Variants in PLEKHH1 observed in about 807,000 individuals in gnomAD.
PLEKHH1 encodes pleckstrin homology domain-containing family H member 1.
In PLEKHH1, 104 loss-of-function variants were observed where a neutral mutation model predicts 160.0. That is an observed-to-expected ratio of 0.65 (90% CI 0.55 to 0.76). The LOEUF (loss-of-function observed/expected upper bound fraction) is 0.76. Ranked by LOEUF, PLEKHH1 falls within the 30% of genes least tolerant of loss-of-function variation. The pLI is 0.00. For synonymous variants in PLEKHH1, 619 were observed against 678.4 expected (o/e 0.91, Z 1.36); for missense variants, 1,427 against 1,724.1 (o/e 0.83, Z 3.05).
In PLEKHH1 at chr14:67,560,136, C is replaced by T. The variant is rs564482315; in HGVS notation, c.423+445C>T. ...CCGCCTCCCGGGTTCAACCGATTCT[C>T]GTGCCTCAGCCTCCCTGAGTAGCTG... On this transcript the variant is annotated intron_variant, in intron 5 of 28. Transcript: ENST00000329153. 1.8e-4 allele frequency among the ~76,000 whole-genome samples: 28 copies of T among 152,316 alleles called. No homozygotes were observed. In the South Asian group the frequency reaches 5.8e-3, roughly 32 times the overall value.
Position 67,581,764 on chromosome 14 carries a change from C to G in PLEKHH1, c.3285-305C>G, listed in dbSNP as rs565323396. The G allele has an allele frequency of 1.4e-4, 45 of 328,392 alleles. No individual in the cohort carries two copies. The South Asian group carries it at 1.5e-3, about 11-fold the overall frequency. 20.3% of individuals were successfully genotyped at this position (328,392 alleles called of 1,614,324 possible). On this transcript the variant is annotated intron_variant, in intron 23 of 28. Coordinates refer to ENST00000329153, the MANE Select transcript of PLEKHH1 (RefSeq NM_020715.3). ...AAATAGTTTCCAGTAGTCTCTTGGA[C>G]TCTTACCTCATCCAGTCCCCTAATC...
At chr14:67,558,700 C>CAG (rs1329988727) in intron 4 of PLEKHH1, among the ~76,000 whole-genome samples, 4 of 152,194 alleles carry the variant, frequency 2.6e-5, no homozygotes, top group Admixed American at 1.3e-4. Context: ...CATGAATGGA[C>CAG]AGAGGCAAGT....
chr14:67,578,093 C>A lies in PLEKHH1; in HGVS notation c.2645C>A (p.Thr882Asn). Residue 882 changes from threonine (T) to asparagine (N), a missense_variant, in exon 19 of 29, where the codon ACC becomes AAC. Transcript: ENST00000329153. This position sits in a 1 kb window ranked among gnomAD's most constrained non-coding sequence, Gnocchi z 5.0. The stretch of plus-strand genomic sequence containing the variant: ...GACTACCATGTGTCCCTGGCCCAGA[C>A]CGCACTGCAGGTCTGCCTGGTTCAC... ...SVDYHVSLAQ[T>N]ALQVCLVHPE... The A allele has an allele frequency of 6.2e-7, 1 of 1,613,744 alleles. No individual in the cohort carries two copies. Among genetic ancestry groups the A allele is most frequent in the Non-Finnish European group, 8.5e-7 (1 of 1,179,758 alleles).
Position 67,573,416 on chromosome 14 carries a change from C to A in PLEKHH1, c.1839+30C>A. 2 of 1,293,262 alleles carry A rather than the reference C, an allele frequency of 1.5e-6. No homozygotes were observed. Among genetic ancestry groups the A allele is most frequent in the South Asian group, 1.2e-5 (1 of 84,272 alleles). The allele number at this position is 1,293,262 out of a possible 1,614,324, so 80.1% of individuals were successfully genotyped here. On this transcript the variant is annotated intron_variant, in intron 12 of 28. Transcript: ENST00000329153. The surrounding 1 kb of genome is among the most constrained non-coding windows in gnomAD (Gnocchi z 4.8). The stretch of plus-strand genomic sequence containing the variant: ...GAGTCTCCCCGCCCAGCACTGCAGT[C>A]AAAAGGTCTCCACATCACACCCTGG...
intron 1 of PLEKHH1, among the ~76,000 whole-genome samples, chr14:67,541,418 A>G (rs1222693307): frequency 6.6e-6 from 1 of 152,222 alleles, no homozygotes; most frequent in African/African-American, 2.4e-5. Context: ...AGTTCCTTGA[A>G]AAACACAAAG....
intron 4 of PLEKHH1, among the ~76,000 whole-genome samples, chr14:67,558,979 G>A (rs1250182390): frequency 6.6e-6 from 1 of 152,200 alleles, no homozygotes; most frequent in Non-Finnish European, 1.5e-5. Flanking sequence ...GACTGGATGT[G>A]GCCTGAAGGC....
At chr14:67,549,459 CG>C (rs1171276628) in intron 2 of PLEKHH1, among the ~76,000 whole-genome samples, 2 of 151,994 alleles carry the variant, frequency 1.3e-5, no homozygotes, top group Non-Finnish European at 2.9e-5. Flanking sequence ...TTAGTAGCGA[CG>C]GGGTTTCACC....
rs765209847 is a variant in PLEKHH1, at chr14:67,575,415, G to A, written c.2112G>A (p.Val704=). ...LTKVKHGHSK[V]VWCALVGKIF... Reference sequence around the variant, plus strand: ...AGGTAAAGCATGGCCACTCCAAGGTGGTCTGGTGCGCTCTTGTTGGGAAAA... The same window carrying A: ...AGGTAAAGCATGGCCACTCCAAGGTAGTCTGGTGCGCTCTTGTTGGGAAAA... The change falls in exon 15 of 29, where the codon GTG becomes GTA. Residue 704 remains valine, a synonymous_variant. Coordinates refer to ENST00000329153, the MANE Select transcript of PLEKHH1 (RefSeq NM_020715.3). 14 of 1,609,290 alleles carry A rather than the reference G, an allele frequency of 8.7e-6. No homozygotes were observed. The East Asian group carries it at 3.1e-4, about 36-fold the overall frequency.
intron 5 of PLEKHH1, among the ~76,000 whole-genome samples, chr14:67,561,286 A>C (rs1395964086): frequency 6.6e-6 from 1 of 152,168 alleles, no homozygotes; most frequent in African/African-American, 2.4e-5. Flanking sequence ...AGTGGCTCAC[A>C]CCTGTAGTCC....
chr14:67,585,284 T>C, intron 26 of PLEKHH1: 1 of 337,012 alleles, frequency 3.0e-6, no homozygotes, highest in Non-Finnish European at 5.5e-6. Flanking sequence ...TTCCATCCAG[T>C]GTGCTGTGGC....
intron 21 of PLEKHH1, 144 bp from the exon 22 acceptor site, chr14:67,579,577 C>T (rs2140516405): frequency 1.3e-6 from 1 of 790,820 alleles, no homozygotes; most frequent in Non-Finnish European, 2.0e-6. Flanking sequence ...TGGCCCTTTG[C>T]CTGTGAACAC....
chr14:67,569,715 C>A, intron 8 of PLEKHH1: 2 of 593,820 alleles, frequency 3.4e-6, no homozygotes, highest in South Asian at 4.1e-5. Context: ...CTTTTGGATT[C>A]TTTTGTGAGG....
Position 67,585,605 on chromosome 14 carries a change from G to A in PLEKHH1, c.3737G>A (p.Trp1246Ter), listed in dbSNP as rs1273267862. ...TCTTCCAAGGAGAACGCTCTGGTGT[G>A]GATTGCTGTGAATGAGGATGGCGTC... ...QLSSKENALV[W>*]IAVNEDGVSI... The change falls in exon 27 of 29, where the codon TGG (tryptophan) becomes TAG (stop). Residue 1246 changes from tryptophan to a stop codon, truncating the protein, a stop_gained. Coordinates refer to ENST00000329153, the MANE Select transcript of PLEKHH1 (RefSeq NM_020715.3). LOFTEE classifies it high-confidence loss of function. 1 of 1,585,484 alleles carries A rather than the reference G, an allele frequency of 6.3e-7. No homozygotes were observed. Among genetic ancestry groups the A allele is most frequent in the Non-Finnish European group, 8.6e-7 (1 of 1,164,862 alleles).
intron 7 of PLEKHH1, among the ~76,000 whole-genome samples, chr14:67,566,863 C>G (rs749247356): frequency 9.9e-5 from 15 of 152,002 alleles, no homozygotes; most frequent in Non-Finnish European, 2.2e-4. Context: ...TTATTGTCTC[C>G]TCTTATTCTG....
At chr14:67,586,316 T>G in intron 28 of PLEKHH1, 1 of 1,292,062 alleles carries the variant, frequency 7.7e-7, no homozygotes, top group South Asian at 1.2e-5. Context: ...GGGAACTAAC[T>G]CTGGCCTAGC....
chr14:67,569,863 C>T, intron 8 of PLEKHH1, 58 bp from the exon 9 acceptor site: 1 of 1,121,032 alleles, frequency 8.9e-7, no homozygotes. Context: ...TCTGCTTCCC[C>T]CACACCCCTT....
chr14:67,573,976 G>A lies in PLEKHH1; in HGVS notation c.1926+89G>A. 1.1e-6 allele frequency: 1 copy of A among 929,018 alleles called. No homozygotes were observed. The highest frequency in any genetic ancestry group is 1.8e-6 in the Non-Finnish European group (1 of 567,570). The allele number at this position is 929,018 out of a possible 1,614,324, so 57.5% of individuals were successfully genotyped here. A position where few individuals can be genotyped will look rare whatever the true frequency, so the allele number is the denominator to read the frequency against. Reference sequence around the variant, plus strand: ...GAGTGAGACAAAGATGGGGCCAAATGAGCATGAATGAAAGACTTCAGATCA... The same window carrying A: ...GAGTGAGACAAAGATGGGGCCAAATAAGCATGAATGAAAGACTTCAGATCA... On this transcript the variant is annotated intron_variant, in intron 13 of 28. Coordinates refer to ENST00000329153, the MANE Select transcript of PLEKHH1 (RefSeq NM_020715.3). The surrounding 1 kb of genome is among the most constrained non-coding windows in gnomAD (Gnocchi z 4.8).
At chr14:67,572,575 A>G (rs2035441783) in intron 11 of PLEKHH1, among the ~76,000 whole-genome samples, 1 of 151,900 alleles carries the variant, frequency 6.6e-6, no homozygotes, top group African/African-American at 2.4e-5. Context: ...ACTTTGTTTT[A>G]TCACCTGGAA....
intron 28 of PLEKHH1, 53 bp downstream of exon 28, chr14:67,586,150 G>A: frequency 6.3e-7 from 1 of 1,597,292 alleles, no homozygotes; most frequent in Non-Finnish European, 8.6e-7. Context: ...TGGTGGGCTT[G>A]GAGCTTAGAA....
Sources: gnomAD v4.1 joint callset for allele counts (sites outside exome capture counted in the v4.1 genomes callset) on GRCh38, gnomAD v4.1.1 for gene constraint, Gnocchi (gnomAD v3.1) non-coding constraint, MANE v1.5 for transcripts, NCBI Gene and HGNC (gene_info 2026-07-23, HGNC 2026-07-21) for gene names.